The following GSDMC variants were observed in gnomAD, a reference collection of about 807,000 sequenced individuals.
GSDMC encodes gasdermin C.
In GSDMC, 59 loss-of-function variants were observed where a neutral mutation model predicts 58.0. That is an observed-to-expected ratio of 1.02 (90% CI 0.82 to 1.26). The LOEUF is 1.26. Ranked by LOEUF, GSDMC falls within the 50% of genes most tolerant of loss-of-function variation. The pLI, the probability that GSDMC is intolerant of heterozygous loss-of-function variation, is 0.00. For missense variants in GSDMC, 659 were observed against 598.5 expected (o/e 1.10, Z -1.06); for synonymous variants, 241 against 220.2 (o/e 1.09, Z -0.83).
chr8:129,782,305 C>T (rs536641034), intron 1 of GSDMC, among the ~76,000 whole-genome samples: 1 of 151,972 alleles, frequency 6.6e-6, no homozygotes, highest in Non-Finnish European at 1.5e-5. Flanking sequence ...TTTTAAAGAA[C>T]TAGAAAACCA....
At chr8:129,779,353 A>T (rs2034343654) in intron 1 of GSDMC, among the ~76,000 whole-genome samples, 1 of 152,252 alleles carries the variant, frequency 6.6e-6, no homozygotes, top group South Asian at 2.1e-4. Flanking sequence ...ACACAGAAAT[A>T]GAAAACCAAA....
At chr8:129,760,093 A>G (rs2033600041) in intron 6 of GSDMC, among the ~76,000 whole-genome samples, 1 of 152,216 alleles carries the variant, frequency 6.6e-6, no homozygotes, top group Admixed American at 6.5e-5. Flanking sequence ...TCATTATGTT[A>G]AGTGAAATAA....
chr8:129,730,702 A>G, the GSDMC span, among the ~76,000 whole-genome samples: 1 of 152,214 alleles, frequency 6.6e-6, no homozygotes, highest in African/African-American at 2.4e-5. Context: ...AATACATATA[A>G]CATTAGCAAC....
At chr8:129,715,514 A>C in the GSDMC span, among the ~76,000 whole-genome samples, 1 of 152,176 alleles carries the variant, frequency 6.6e-6, no homozygotes, top group South Asian at 2.1e-4. Context: ...GAATCTCAAA[A>C]CCCTGAGTAC....
the GSDMC span, among the ~76,000 whole-genome samples, chr8:129,731,597 A>G: frequency 6.6e-6 from 1 of 152,238 alleles, no homozygotes; most frequent in African/African-American, 2.4e-5. Flanking sequence ...GTCCAAAGGT[A>G]TCTGTTGGAG....
At chr8:129,734,833 G>A in the GSDMC span, among the ~76,000 whole-genome samples, 1 of 152,258 alleles carries the variant, frequency 6.6e-6, no homozygotes, top group African/African-American at 2.4e-5. Context: ...AAATGTAAAT[G>A]GGCTAAATGT....
chr8:129,747,418 A>T (rs1014383985), downstream of GSDMC, among the ~76,000 whole-genome samples: 1 of 152,226 alleles, frequency 6.6e-6, no homozygotes, highest in Admixed American at 6.5e-5. Flanking sequence ...TAGCAGAAAA[A>T]AAGTAAACAC....
chr8:129,772,057 G>A (rs993089504), intron 3 of GSDMC, among the ~76,000 whole-genome samples: 1 of 152,112 alleles, frequency 6.6e-6, no homozygotes, highest in Non-Finnish European at 1.5e-5. Flanking sequence ...GAGGTCAGGA[G>A]ATCGAGACCA....
At chr8:129,733,278 C>T in the GSDMC span, among the ~76,000 whole-genome samples, 2 of 152,350 alleles carry the variant, frequency 1.3e-5, no homozygotes, top group Middle Eastern at 3.4e-3. Flanking sequence ...CAGACTTAAA[C>T]ATCCCTGTCT....
the GSDMC span, among the ~76,000 whole-genome samples, chr8:129,717,271 T>A: frequency 9.0e-6 from 1 of 110,680 alleles, no homozygotes; most frequent in Non-Finnish European, 1.9e-5. Context: ...TTTTTTTTTT[T>A]TATTGGTAGG....
At chr8:129,733,391 C>G in the GSDMC span, among the ~76,000 whole-genome samples, 1 of 152,208 alleles carries the variant, frequency 6.6e-6, no homozygotes, top group Non-Finnish European at 1.5e-5. Flanking sequence ...TGTAGCCTAA[C>G]TGGGAGACAC....
At chr8:129,752,976 C>T (rs1586579182) in intron 6 of GSDMC, 156 bp from the exon 7 acceptor site, 1 of 1,324,052 alleles carries the variant, frequency 7.6e-7, no homozygotes, top group African/African-American at 1.5e-5. Context: ...ATTGCCCATT[C>T]CTTCTTTCAG....
At chr8:129,730,107 C>T in the GSDMC span, 1 of 977,592 alleles carries the variant, frequency 1.0e-6, no homozygotes, top group Non-Finnish European at 1.5e-6. Flanking sequence ...TAACACTATT[C>T]AGGTGTTTCT....
chr8:129,723,399 C>T, the GSDMC span, among the ~76,000 whole-genome samples: 1 of 150,160 alleles, frequency 6.7e-6, no homozygotes, highest in African/African-American at 2.5e-5. Context: ...TGCCACCACG[C>T]CTGGCTATTT....
chr8:129,773,555 C>T (rs148014305), intron 3 of GSDMC, among the ~76,000 whole-genome samples: 45 of 151,950 alleles, frequency 3.0e-4, no homozygotes, highest in African/African-American at 8.7e-4. Context: ...GAGGCTGAGG[C>T]GGGTGGATCA....
downstream of GSDMC, among the ~76,000 whole-genome samples, chr8:129,745,771 TGAA>T (rs1299918865): frequency 1.4e-4 from 11 of 80,032 alleles, 1 homozygote; most frequent in South Asian, 2.7e-3. Flanking sequence ...GGAGGAAATT[TGAA>T]GAAGGAGTGA....
intron 3 of GSDMC, among the ~76,000 whole-genome samples, chr8:129,773,410 A>G (rs930212079): frequency 1.3e-5 from 2 of 152,260 alleles, no homozygotes; most frequent in African/African-American, 4.8e-5. Flanking sequence ...TTAATAAATA[A>G]ATGCAGTCAA....
At chr8:129,725,727 T>A in the GSDMC span, among the ~76,000 whole-genome samples, 1 of 152,194 alleles carries the variant, frequency 6.6e-6, no homozygotes, top group African/African-American at 2.4e-5. Context: ...TACTAGGTTC[T>A]TTATATACAC....
the GSDMC span, among the ~76,000 whole-genome samples, chr8:129,709,657 T>C: frequency 4.6e-5 from 7 of 152,254 alleles, no homozygotes; most frequent in South Asian, 1.0e-3. Flanking sequence ...GATAGCTATG[T>C]ATCTCCACAC....
Sources: gnomAD v4.1 joint callset for allele counts (sites outside exome capture counted in the v4.1 genomes callset) on GRCh38, gnomAD v4.1.1 for gene constraint, MANE v1.5 for transcripts, NCBI Gene and HGNC (gene_info 2026-07-23, HGNC 2026-07-21) for gene names.